SORCS2: variants seen among roughly 807,000 people sequenced by gnomAD.
The protein encoded by SORCS2 is sortilin related VPS10 domain containing receptor 2.
In SORCS2, 100 loss-of-function variants were observed where a neutral mutation model predicts 141.6. The observed-to-expected ratio is 0.71, with a 90% CI of 0.60 to 0.83. The LOEUF (loss-of-function observed/expected upper bound fraction) is 0.83, where lower values mean the gene tolerates loss of function less well. Among genes scored for constraint, SORCS2 ranks in the 40% least tolerant of loss-of-function variants. SORCS2 has a pLI of 0.00. For synonymous variants in SORCS2, 789 were observed against 676.9 expected (o/e 1.17, Z -2.57); for missense variants, 1,646 against 1,560.2 (o/e 1.05, Z -0.93).
intron 4 of SORCS2, among the ~76,000 whole-genome samples, chr4:7,646,318 C>T (rs917469938): frequency 8.5e-5 from 13 of 152,178 alleles, no homozygotes; most frequent in East Asian, 5.8e-4. Flanking sequence ...GTGGAAGGTA[C>T]GCATCCGTAT....
intron 1 of SORCS2, among the ~76,000 whole-genome samples, chr4:7,361,853 G>A (rs562395322): frequency 1.4e-5 from 2 of 147,374 alleles, no homozygotes; most frequent in South Asian, 4.3e-4. Flanking sequence ...GCTCAGAGAA[G>A]CTTCTGAGTG....
intron 1 of SORCS2, among the ~76,000 whole-genome samples, chr4:7,331,759 C>T (rs75440364): frequency 0.078 from 11,839 of 152,258 alleles, 634 homozygotes; most frequent in Non-Finnish European, 0.12. Context: ...GTCTGCAGAG[C>T]GCCTTGGAAG....
At chr4:7,288,594 A>G (rs1293576017) in intron 1 of SORCS2, among the ~76,000 whole-genome samples, 1 of 148,756 alleles carries the variant, frequency 6.7e-6, no homozygotes, top group Non-Finnish European at 1.5e-5. Context: ...GGAGGAGAAG[A>G]GAGAGGAGAG....
At position 7,734,318 on chromosome 4, in the gene SORCS2, G is replaced by A. The variant is rs1367573847; in HGVS notation, c.3255G>A (p.Val1085=). 1 of 1,602,312 alleles carries A rather than the reference G, an allele frequency of 6.2e-7. No individual in the cohort carries two copies. Among genetic ancestry groups the A allele is most frequent in the Non-Finnish European group, 8.5e-7 (1 of 1,175,270 alleles). The change falls in exon 25 of 27, where the codon GTG becomes GTA. Residue 1085 remains valine (V), a synonymous_variant. Transcript: ENST00000507866. ...GTGGCGGCTACTGGGCGGTAGTGGT[G>A]CTGTTTGTCATCGGGCTCTTCGCAG... The part of the protein sequence containing the change: ...GGGGGYWAVV[V]LFVIGLFAAG...
At chr4:7,486,686 CT>C (rs1731010024) in intron 2 of SORCS2, among the ~76,000 whole-genome samples, 1 of 152,188 alleles carries the variant, frequency 6.6e-6, no homozygotes, top group Non-Finnish European at 1.5e-5. Flanking sequence ...CATGCTCCCC[CT>C]GGAGCCTCCA....
intron 2 of SORCS2, among the ~76,000 whole-genome samples, chr4:7,427,470 C>T (rs575038629): frequency 3.0e-4 from 45 of 152,252 alleles, no homozygotes; most frequent in Admixed American, 2.4e-3. Context: ...CTCATGGGGA[C>T]GGGATGAGAC....
intron 2 of SORCS2, among the ~76,000 whole-genome samples, chr4:7,509,285 G>C (rs4689770): frequency 6.6e-6 from 1 of 152,078 alleles, no homozygotes; most frequent in Non-Finnish European, 1.5e-5. Context: ...ACTAGAATCA[G>C]TGTGGGCCAC....
chr4:7,502,185 C>T (rs533997441), intron 2 of SORCS2, among the ~76,000 whole-genome samples: 1 of 152,194 alleles, frequency 6.6e-6, no homozygotes, highest in Admixed American at 6.5e-5. Context: ...TAGACGGCCT[C>T]TGGTGCTCAA....
At chr4:7,361,285 G>T (rs1418075979) in intron 1 of SORCS2, among the ~76,000 whole-genome samples, 2 of 152,230 alleles carry the variant, frequency 1.3e-5, no homozygotes, top group Non-Finnish European at 2.9e-5. Flanking sequence ...CAATGACTTT[G>T]AAAATGAGCC....
rs60976971 is a variant in SORCS2, at chr4:7,328,018, C to CTTTTTTTTTTTT, written c.481-68256_481-68245dup. ...ACTGTGTGCTGAGCCTCGTGCTAGGCTTTTTTTTTTTTTTTTTTTTTTTTT... is the reference window on the plus strand; with the variant it reads ...ACTGTGTGCTGAGCCTCGTGCTAGGCTTTTTTTTTTTTTTTTTTTTTTTTTTTTTTTTTTTTT... On this transcript the variant is annotated intron_variant, in intron 1 of 26. Transcript: ENST00000507866. Among the ~76,000 whole-genome samples the CTTTTTTTTTTTT allele has an allele frequency of 3.2e-4, 28 of 88,738 alleles. 2 individuals carry two copies. The highest frequency in any genetic ancestry group is 1.1e-3 in the African/African-American group (26 of 24,098). 58.2% of individuals were successfully genotyped at this position (88,738 alleles called of 152,430 possible).
At chr4:7,202,250 A>T (rs576091743) in intron 1 of SORCS2, among the ~76,000 whole-genome samples, 98 of 152,284 alleles carry the variant, frequency 6.4e-4, no homozygotes, top group African/African-American at 2.2e-3. Flanking sequence ...ATGACTCGGG[A>T]CCGCTTCCCA....
chr4:7,545,517 C>A (rs765666339), intron 3 of SORCS2, among the ~76,000 whole-genome samples: 4 of 152,136 alleles, frequency 2.6e-5, no homozygotes, highest in African/African-American at 9.7e-5. Context: ...AAGCAGCATC[C>A]CCCAGGACAG....
At chr4:7,242,985 G>A (rs1239156332) in intron 1 of SORCS2, among the ~76,000 whole-genome samples, 1 of 152,214 alleles carries the variant, frequency 6.6e-6, no homozygotes. Flanking sequence ...ATGCTGGTGA[G>A]TTTCCAGAGG....
chr4:7,568,630 G>A (rs945196339), intron 3 of SORCS2, among the ~76,000 whole-genome samples: 3 of 152,110 alleles, frequency 2.0e-5, no homozygotes, highest in African/African-American at 2.4e-5. Flanking sequence ...GGTGGAAACC[G>A]TGAACAACCT....
chr4:7,536,204 G>A (rs936576388), intron 3 of SORCS2, among the ~76,000 whole-genome samples: 1 of 152,198 alleles, frequency 6.6e-6, no homozygotes. Flanking sequence ...GGTACAAACT[G>A]TAGGCAAGTT....
At chr4:7,421,491 A>G (rs1726053983) in intron 2 of SORCS2, among the ~76,000 whole-genome samples, 1 of 152,142 alleles carries the variant, frequency 6.6e-6, no homozygotes, top group Non-Finnish European at 1.5e-5. Flanking sequence ...GATGTAAAAC[A>G]CAGAGCCCAG....
intron 1 of SORCS2, among the ~76,000 whole-genome samples, chr4:7,337,871 C>T (rs1405578687): frequency 6.6e-6 from 1 of 152,176 alleles, no homozygotes; most frequent in African/African-American, 2.4e-5. Flanking sequence ...AGCCTGCCAC[C>T]CACACATGCT....
At chr4:7,365,265 A>T (rs1163350694) in intron 1 of SORCS2, among the ~76,000 whole-genome samples, 1 of 152,112 alleles carries the variant, frequency 6.6e-6, no homozygotes, top group Admixed American at 6.6e-5. Context: ...AGGTGGCTGG[A>T]TTGCTGTCAG....
At chr4:7,550,345 G>A (rs1299120909) in intron 3 of SORCS2, among the ~76,000 whole-genome samples, 4 of 152,142 alleles carry the variant, frequency 2.6e-5, no homozygotes, top group Non-Finnish European at 5.9e-5. Context: ...GGGGCCATCT[G>A]CAGAGGACAA....
Sources: allele counts gnomAD v4.1 joint callset (sites outside exome capture counted in the v4.1 genomes callset), GRCh38; gene constraint gnomAD v4.1.1; transcripts MANE v1.5; gene names NCBI Gene and HGNC (gene_info 2026-07-23, HGNC 2026-07-21).